The following GABBR2 variants were observed in gnomAD, a reference collection of about 807,000 sequenced individuals.
The protein encoded by GABBR2 is G-protein coupled receptor 51.
A neutral mutation model predicts 105.6 loss-of-function variants in GABBR2; 23 were observed. The ratio of observed to expected loss-of-function variants is 0.22; its 90% confidence interval spans 0.16 to 0.31. The LOEUF is 0.31. GABBR2 is among the 10% of genes least tolerant of loss of function. The pLI is 1.00. For missense variants in GABBR2, 734 were observed against 1,245.5 expected, an observed-to-expected ratio of 0.59 and a Z score of 6.18; for synonymous variants, 478 against 499.7, an observed-to-expected ratio of 0.96 and a Z score of 0.58.
intron 12 of GABBR2, among the ~76,000 whole-genome samples, chr9:98,368,989 C>T (rs1483473301): frequency 6.6e-6 from 1 of 152,212 alleles, no homozygotes; most frequent in Non-Finnish European, 1.5e-5. Context: ...GACCACAGGT[C>T]CCCAACTTTG....
chr9:98,454,411 A>AC lies in GABBR2; in HGVS notation c.1000-195dup, dbSNP rs894698234. On this transcript the variant is annotated intron_variant, in intron 6 of 18. Coordinates refer to ENST00000259455, the MANE Select transcript of GABBR2 (RefSeq NM_005458.8). This position sits in a 1 kb window ranked among gnomAD's most constrained non-coding sequence, Gnocchi z 4.6. ...TACTGTTATTGTCCCCATTTTACAG[A>AC]CCCCCCATTTTCAGGGGGGTCAACT... Among the ~76,000 whole-genome samples the AC allele has an allele frequency of 1.3e-5, 2 of 151,566 alleles. No homozygotes were observed. The highest frequency in any genetic ancestry group is 2.4e-5 in the African/African-American group (1 of 41,164).
At chr9:98,661,394 G>A (rs867291512) in intron 1 of GABBR2, among the ~76,000 whole-genome samples, 4 of 151,590 alleles carry the variant, frequency 2.6e-5, no homozygotes, top group Non-Finnish European at 2.9e-5. Context: ...GTATTGAGAC[G>A]TGTTGACTTT....
At chr9:98,698,778 A>T (rs1255517365) in intron 1 of GABBR2, among the ~76,000 whole-genome samples, 1 of 151,884 alleles carries the variant, frequency 6.6e-6, no homozygotes, top group Non-Finnish European at 1.5e-5. Flanking sequence ...GATTACAGGC[A>T]TGAGCCACTG....
chr9:98,588,460 C>A lies in GABBR2; in HGVS notation c.322-10388G>T, dbSNP rs1003568142. ...ATAATAATAACACAGTGAGCCCTTA[C>A]ATAGCATTTGCCTGTGCCAGGCACT... On this transcript the variant is annotated intron_variant, in intron 1 of 18. Coordinates refer to ENST00000259455, the MANE Select transcript of GABBR2 (RefSeq NM_005458.8). Among the ~76,000 whole-genome samples, 6 of 152,382 alleles carry A rather than the reference C, an allele frequency of 3.9e-5. No individual in the cohort carries two copies. The East Asian group carries it at 1.2e-3, about 29-fold the overall frequency.
At chr9:98,485,455 C>A (rs1364602238) in intron 4 of GABBR2, among the ~76,000 whole-genome samples, 4 of 152,054 alleles carry the variant, frequency 2.6e-5, no homozygotes, top group African/African-American at 9.7e-5. Context: ...TCTAGAACCA[C>A]TTTGTCTCTG....
At chr9:98,365,338 T>C (rs1479225803) in intron 12 of GABBR2, among the ~76,000 whole-genome samples, 8 of 152,228 alleles carry the variant, frequency 5.3e-5, no homozygotes. Flanking sequence ...TACCATTACC[T>C]GGGTTTTGAC....
intron 3 of GABBR2, among the ~76,000 whole-genome samples, chr9:98,528,818 GC>G (rs1828010936): frequency 6.6e-6 from 1 of 150,988 alleles, no homozygotes; most frequent in Non-Finnish European, 1.5e-5. Flanking sequence ...CCCGTATACT[GC>G]TATGAAACTC....
chr9:98,366,699 G>C (rs1345042961), intron 12 of GABBR2, among the ~76,000 whole-genome samples: 2 of 152,210 alleles, frequency 1.3e-5, no homozygotes, highest in East Asian at 3.8e-4. Flanking sequence ...CTGGGGCTGA[G>C]CTCTCCTGTC....
chr9:98,428,882 A>G (rs1327420331), intron 7 of GABBR2, among the ~76,000 whole-genome samples: 1 of 152,174 alleles, frequency 6.6e-6, no homozygotes, highest in Non-Finnish European at 1.5e-5. Flanking sequence ...GAGAAACCTC[A>G]TCCTAGACTT....
chr9:98,313,151 G>C (rs1830661446), intron 13 of GABBR2, among the ~76,000 whole-genome samples: 1 of 152,166 alleles, frequency 6.6e-6, no homozygotes, highest in Non-Finnish European at 1.5e-5. Flanking sequence ...ACAACTTCAT[G>C]CTGCCTTCTA....
At chr9:98,560,782 G>GTATATATATATA (rs35347663) in intron 2 of GABBR2, among the ~76,000 whole-genome samples, 49 of 145,346 alleles carry the variant, frequency 3.4e-4, no homozygotes, top group African/African-American at 1.2e-3. Flanking sequence ...ATATAGTAGT[G>GTATATATATATA]TATATATATA....
chr9:98,678,427 G>T (rs1830501376), intron 1 of GABBR2, among the ~76,000 whole-genome samples: 1 of 152,140 alleles, frequency 6.6e-6, no homozygotes, highest in Admixed American at 6.5e-5. Flanking sequence ...TTCCTGCGAG[G>T]TGCTTCGCTG....
At chr9:98,308,647 A>G (rs10985816) in intron 14 of GABBR2, among the ~76,000 whole-genome samples, 57,465 of 152,040 alleles carry the variant, frequency 0.38, 11,762 homozygotes, top group African/African-American at 0.52. Context: ...ATGTGGAGAC[A>G]GAGGCAGAAA....
chr9:98,577,830 G>T, intron 2 of GABBR2, 105 bp downstream of exon 2: 2 of 1,163,862 alleles, frequency 1.7e-6, no homozygotes. Flanking sequence ...CAGGAGGCCT[G>T]ACCCAGGCAA....
intron 3 of GABBR2, among the ~76,000 whole-genome samples, chr9:98,503,535 C>T (rs148858094): frequency 2.6e-5 from 4 of 152,078 alleles, no homozygotes; most frequent in East Asian, 1.9e-4. Context: ...AGCAATGGTC[C>T]GGGAGAGGGA....
intron 13 of GABBR2, among the ~76,000 whole-genome samples, chr9:98,333,820 T>G (rs10117265): frequency 0.13 from 20,288 of 152,032 alleles, 1,804 homozygotes; most frequent in African/African-American, 0.24. Flanking sequence ...AGCTCCAGAG[T>G]CTACTTGCTT....
At chr9:98,621,095 T>C (rs375792928) in intron 1 of GABBR2, among the ~76,000 whole-genome samples, 98 of 152,346 alleles carry the variant, frequency 6.4e-4, no homozygotes, top group African/African-American at 2.0e-3. Flanking sequence ...ACCCTTGGCT[T>C]ATAAAGAGCC....
rs1826361770 is a variant in GABBR2, at chr9:98,458,327, T to G, written c.1000-4110A>C. Among the ~76,000 whole-genome samples, 3 of 152,240 alleles carry G rather than the reference T, an allele frequency of 2.0e-5. No homozygotes were observed. The South Asian group carries it at 6.2e-4, about 32-fold the overall frequency. On this transcript the variant is annotated intron_variant, in intron 6 of 18. Coordinates refer to ENST00000259455, the MANE Select transcript of GABBR2 (RefSeq NM_005458.8). The stretch of plus-strand genomic sequence containing the variant: ...TGTGGGAGGTTTGAATCACAGAGTC[T>G]CATTTGGAAGTACACGAGAGAATAT...
chr9:98,414,450 C>T (rs561524901), intron 7 of GABBR2, among the ~76,000 whole-genome samples: 1 of 152,192 alleles, frequency 6.6e-6, no homozygotes, highest in Non-Finnish European at 1.5e-5. Flanking sequence ...GCAAGGTGGA[C>T]AGGTGCAAGG....
Sources: gnomAD v4.1 joint callset for allele counts (sites outside exome capture counted in the v4.1 genomes callset) on GRCh38, gnomAD v4.1.1 for gene constraint, Gnocchi (gnomAD v3.1) non-coding constraint, MANE v1.5 for transcripts, NCBI Gene and HGNC (gene_info 2026-07-23, HGNC 2026-07-21) for gene names.